The following KHDRBS2 variants were observed in gnomAD, a reference collection of about 807,000 sequenced individuals.
KHDRBS2 encodes the protein KH RNA binding domain containing, signal transduction associated 2, also known as KH domain-containing, RNA-binding, signal transduction-associated protein 2.
A neutral mutation model predicts 44.3 loss-of-function variants in KHDRBS2; 26 were observed. That is an observed-to-expected ratio of 0.59 (90% CI 0.43 to 0.81). The LOEUF is 0.81. KHDRBS2 is among the 40% of genes least tolerant of loss of function. The pLI is 0.00. For missense variants in KHDRBS2, 476 were observed against 433.1 expected, an observed-to-expected ratio of 1.10 and a Z score of -0.88; for synonymous variants, 194 against 151.1, an observed-to-expected ratio of 1.28 and a Z score of -2.08.
chr6:61,822,899 T>G (rs1790176023), intron 6 of KHDRBS2, among the ~76,000 whole-genome samples: 1 of 152,064 alleles, frequency 6.6e-6, no homozygotes, highest in African/African-American at 2.4e-5. Context: ...CTACAATCCT[T>G]GAAACAGTGT....
intron 3 of KHDRBS2, among the ~76,000 whole-genome samples, chr6:62,014,800 T>A (rs576822830): frequency 5.1e-4 from 77 of 152,184 alleles, no homozygotes; most frequent in Non-Finnish European, 8.1e-4. Flanking sequence ...TTCATGGGAA[T>A]GTTACTATTT....
chr6:61,756,546 C>T (rs577516953), intron 6 of KHDRBS2, among the ~76,000 whole-genome samples: 2 of 152,336 alleles, frequency 1.3e-5, no homozygotes, highest in Admixed American at 1.3e-4. Flanking sequence ...AGGCATGAGC[C>T]ACCATGCCCA....
intron 6 of KHDRBS2, among the ~76,000 whole-genome samples, chr6:61,822,148 G>T (rs1230029274): frequency 6.6e-6 from 1 of 152,016 alleles, no homozygotes; most frequent in South Asian, 2.1e-4. Flanking sequence ...ATAAACTTTA[G>T]ACCTGTATTG....
intron 6 of KHDRBS2, among the ~76,000 whole-genome samples, chr6:61,864,103 T>C (rs1797431380): frequency 6.6e-6 from 1 of 152,162 alleles, no homozygotes; most frequent in African/African-American, 2.4e-5. Flanking sequence ...AAACTGGGAT[T>C]GCGATCCCTC....
intron 1 of KHDRBS2, among the ~76,000 whole-genome samples, chr6:62,237,676 C>G (rs564050323): frequency 6.6e-6 from 1 of 152,102 alleles, no homozygotes; most frequent in Admixed American, 6.6e-5. Context: ...ACCAGTCATT[C>G]CCACTAGAGG....
intron 6 of KHDRBS2, among the ~76,000 whole-genome samples, chr6:61,799,851 C>T (rs1042760255): frequency 1.3e-5 from 2 of 151,888 alleles, no homozygotes; most frequent in African/African-American, 2.4e-5. Context: ...GTTCAATAAA[C>T]CTATGAAAAC....
At chr6:61,972,156 T>C (rs1416615375) in intron 4 of KHDRBS2, among the ~76,000 whole-genome samples, 3 of 152,190 alleles carry the variant, frequency 2.0e-5, no homozygotes, top group Non-Finnish European at 2.9e-5. Flanking sequence ...CAGGTCAGTG[T>C]TGACATATGA....
At chr6:62,207,166 T>A (rs1253344156) in intron 1 of KHDRBS2, among the ~76,000 whole-genome samples, 1 of 152,018 alleles carries the variant, frequency 6.6e-6, no homozygotes, top group Non-Finnish European at 1.5e-5. Flanking sequence ...TTCTAAATTA[T>A]AAAACAGAAT....
intron 2 of KHDRBS2, among the ~76,000 whole-genome samples, chr6:62,088,201 C>T (rs573173091): frequency 1.3e-5 from 2 of 152,278 alleles, no homozygotes; most frequent in African/African-American, 2.4e-5. Context: ...ACTGTCAATT[C>T]GTCAAACTCA....
In KHDRBS2 at chr6:61,772,665, G is replaced by A. The variant is rs535581808; in HGVS notation, c.811-39901C>T. Among the ~76,000 whole-genome samples, 3 of 151,774 alleles carry A rather than the reference G, an allele frequency of 2.0e-5. No homozygotes were observed. The South Asian group carries it at 6.2e-4, about 32-fold the overall frequency. On this transcript the variant is annotated intron_variant, in intron 6 of 8. Transcript: ENST00000281156. Reference sequence around the variant, plus strand: ...TTTATTTTATTTTATTATACTTTAAGTTTTAGGGTACATGTGCACAATGTG... The same window carrying A: ...TTTATTTTATTTTATTATACTTTAAATTTTAGGGTACATGTGCACAATGTG...
chr6:61,962,188 A>G (rs1322209802), intron 4 of KHDRBS2, among the ~76,000 whole-genome samples: 1 of 152,064 alleles, frequency 6.6e-6, no homozygotes, highest in African/African-American at 2.4e-5. Context: ...GTTGAATGGC[A>G]GTTCTATTGT....
the KHDRBS2 span, among the ~76,000 whole-genome samples, chr6:61,587,371 C>T: frequency 2.0e-5 from 3 of 151,760 alleles, no homozygotes; most frequent in Non-Finnish European, 4.4e-5. Context: ...TTATCTCTCT[C>T]TCTCTCTCTC....
At chr6:62,084,488 G>A (rs1236218507) in intron 2 of KHDRBS2, among the ~76,000 whole-genome samples, 1 of 152,118 alleles carries the variant, frequency 6.6e-6, no homozygotes, top group Non-Finnish European at 1.5e-5. Context: ...GTACCCTGGG[G>A]AGAGACTCTT....
chr6:62,072,535 G>T (rs886727133), intron 2 of KHDRBS2, among the ~76,000 whole-genome samples: 1 of 152,126 alleles, frequency 6.6e-6, no homozygotes, highest in Non-Finnish European at 1.5e-5. Context: ...AATTTATTGA[G>T]AGTTTTTATC....
chr6:61,749,777 A>C (rs1777398625), intron 6 of KHDRBS2, among the ~76,000 whole-genome samples: 1 of 152,190 alleles, frequency 6.6e-6, no homozygotes, highest in South Asian at 2.1e-4. Flanking sequence ...AATATCTAAG[A>C]GCAATCAGCC....
intron 2 of KHDRBS2, among the ~76,000 whole-genome samples, chr6:62,156,364 T>C (rs1266767423): frequency 7.9e-5 from 12 of 152,194 alleles, no homozygotes; most frequent in Non-Finnish European, 1.6e-4. Context: ...GAAGACTACA[T>C]TAAATCTTAC....
chr6:61,891,021 T>C (rs1337504266), intron 6 of KHDRBS2, among the ~76,000 whole-genome samples: 1 of 152,218 alleles, frequency 6.6e-6, no homozygotes, highest in African/African-American at 2.4e-5. Flanking sequence ...AAACTATGTT[T>C]ACTTTATTTT....
At chr6:61,563,261 A>C in the KHDRBS2 span, among the ~76,000 whole-genome samples, 1 of 152,046 alleles carries the variant, frequency 6.6e-6, no homozygotes, top group Non-Finnish European at 1.5e-5. Context: ...TGCTTTTGTC[A>C]TGTCAATTTC....
At chr6:61,586,967 C>A in the KHDRBS2 span, among the ~76,000 whole-genome samples, 1 of 152,148 alleles carries the variant, frequency 6.6e-6, no homozygotes, top group Non-Finnish European at 1.5e-5. Flanking sequence ...GTTCAAATTT[C>A]TTTGTGCATA....
Sources: gnomAD v4.1 joint callset for allele counts (sites outside exome capture counted in the v4.1 genomes callset) on GRCh38, gnomAD v4.1.1 for gene constraint, MANE v1.5 for transcripts, NCBI Gene and HGNC (gene_info 2026-07-23, HGNC 2026-07-21) for gene names.